LAMB2: variants seen among roughly 807,000 people sequenced by gnomAD.
The protein encoded by LAMB2 is laminin subunit beta 2, also known as laminin subunit beta-2.
A neutral mutation model predicts 202.7 loss-of-function variants in LAMB2; 119 were observed. The ratio of observed to expected loss-of-function variants is 0.59; its 90% CI spans 0.51 to 0.68. LAMB2 has a LOEUF of 0.68. Among genes scored for constraint, LAMB2 ranks in the 30% least tolerant of loss-of-function variants. The pLI, the probability that LAMB2 is intolerant of heterozygous loss-of-function variation, is 0.00. For missense variants in LAMB2, 2,124 were observed against 2,410.6 expected (o/e 0.88, Z 2.49); for synonymous variants, 818 against 902.2 (o/e 0.91, Z 1.67).
chr3:49,121,230 T>C lies in LAMB2; in HGVS notation c.5393A>G (p.Gln1798Arg). 1 of 1,612,214 alleles carries C rather than the reference T, an allele frequency of 6.2e-7. No homozygotes were observed. The highest frequency in any genetic ancestry group is 8.5e-7 in the Non-Finnish European group (1 of 1,180,012). ...GGGGTAGGCCTTGGGCAGGGGTCAC[T>C]GGCAGGTGTTGTAGATCTGCACCTG... ...NLQVQIYNTC[Q>R] The change falls in exon 32 of 32, where the codon CAG becomes CGG. Residue 1798 changes from glutamine (Q) to arginine (R), a missense_variant. By Grantham distance (43) the Gln-to-Arg change is conservative. This residue lies in a region of LAMB2 where 1,702 missense variants were observed against 1,896.3 expected (regional missense o/e 0.90). Coordinates refer to ENST00000305544, the MANE Select transcript of LAMB2 (RefSeq NM_002292.4).
Position 49,122,469 on chromosome 3 carries a change from G to A in LAMB2, c.4574-99C>T, listed in dbSNP as rs1044203030. 62 of 1,178,262 alleles carry A rather than the reference G, an allele frequency of 5.3e-5. No individual in the cohort carries two copies. In the South Asian group the frequency reaches 7.7e-4, roughly 15 times the overall value. The allele number at this position is 1,178,262 out of a possible 1,614,324, so 73.0% of individuals were successfully genotyped here. A position where few individuals can be genotyped will look rare whatever the true frequency, so the allele number is the denominator to read the frequency against. ...GACTCAGGACATGTACATGGGATAG[G>A]GGTTTGTTACCAGGCATAAGGATAT... On this transcript the variant is annotated intron_variant, in intron 27 of 31. Transcript: ENST00000305544.
rs778887906 is a variant in LAMB2 at position 49,121,583 on chromosome 3, C to T, written c.5110G>A (p.Gly1704Ser). 3.7e-6 allele frequency: 6 copies of T among 1,613,950 alleles called. No individual in the cohort carries two copies. Among genetic ancestry groups the T allele is most frequent in the South Asian group, 2.2e-5 (2 of 91,086 alleles). The change falls in exon 31 of 32, where the codon GGT (glycine) becomes AGT (serine). Residue 1704 changes from glycine to serine, a missense_variant. Gly to Ser is a moderately conservative substitution (Grantham distance 56). Coordinates refer to ENST00000305544, the MANE Select transcript of LAMB2 (RefSeq NM_002292.4). ...GTCTGGTACTGATCACCCAGAGGAC[C>T]GCGTAGCAGCTGCAGATGTAGAGGG... Reference protein sequence around the residue: ...RAQEAEQLLRGPLGDQYQTVK... With the variant: ...RAQEAEQLLRSPLGDQYQTVK...
rs202057459 is a variant in LAMB2 at position 49,132,639 on chromosome 3, G to T, written c.101C>A (p.Ala34Asp). ...LSVLAATLAQ[A>D]PAPDVPGCSR... ...ACAGCCAGGCACATCCGGGGCAGGG[G>T]CCTGTGCCAGTGTGGCAGCCAGCAC... The change falls in exon 2 of 32, where the codon GCC (alanine) becomes GAC (aspartate). Residue 34 changes from alanine to aspartate, a missense_variant. Around this residue, in one of 3 missense-constraint regions of LAMB2, gnomAD observed 166 missense variants for 158.2 expected, o/e 1.05. Transcript: ENST00000305544. This position sits in a 1 kb window ranked among gnomAD's most constrained non-coding sequence, Gnocchi z 4.6. 398 of 1,614,064 alleles carry T rather than the reference G, an allele frequency of 2.5e-4. No homozygotes were observed. The East Asian group carries it at 6.7e-3, about 27-fold the overall frequency.
rs2045272074 is a variant in LAMB2 at position 49,121,820 on chromosome 3, G to A, written c.4964C>T (p.Ser1655Phe). ...CAACTGCCGAGCCCTTTCACCTGCA[G>A]AGCTCAGTGCCCGCTCTGCACCTGC... ...RMAGAERALS[S>F]AGERARQLDA... The change falls in exon 30 of 32, where the codon TCT (serine) becomes TTT (phenylalanine). Residue 1655 changes from serine to phenylalanine, a missense_variant. Ser to Phe is a radical substitution (Grantham distance 155). Around this residue, in one of 3 missense-constraint regions of LAMB2, gnomAD observed 1,702 missense variants for 1,896.3 expected, o/e 0.90. Transcript: ENST00000305544. The A allele has an allele frequency of 1.9e-6, 3 of 1,613,034 alleles. No homozygotes were observed. Among genetic ancestry groups the A allele is most frequent in the Non-Finnish European group, 1.7e-6 (2 of 1,179,986 alleles).
Position 49,123,732 on chromosome 3 carries a change from G to C in LAMB2, c.3793C>G (p.Leu1265Val), listed in dbSNP as rs2107637896. The change falls in exon 24 of 32, where the codon CTG (leucine) becomes GTG (valine). Residue 1265 changes from leucine to valine, a missense_variant. Physicochemically the swap from Leu to Val is conservative, Grantham distance 32. Around this residue, in one of 3 missense-constraint regions of LAMB2, gnomAD observed 1,702 missense variants for 1,896.3 expected, o/e 0.90. Transcript: ENST00000305544. Reference protein sequence around the residue: ...TAQLVEATEELRREIGEATEH... With the variant: ...TAQLVEATEEVRREIGEATEH... ...TATTCTTAGGCCCTTCCGCACCGCAGCTCCTCTGTGGCCTCCACAAGCTGT... is the reference window on the plus strand; with the variant it reads ...TATTCTTAGGCCCTTCCGCACCGCACCTCCTCTGTGGCCTCCACAAGCTGT... 7 of 1,613,452 alleles carry C rather than the reference G, an allele frequency of 4.3e-6. No homozygotes were observed. The highest frequency in any genetic ancestry group is 5.9e-6 in the Non-Finnish European group (7 of 1,180,046).
chr3:49,128,995 C>G, intron 13 of LAMB2, 25 bp downstream of exon 13: 3 of 1,605,612 alleles, frequency 1.9e-6, no homozygotes, highest in Non-Finnish European at 2.5e-6. Context: ...ACATCCAGCC[C>G]TCTGCTTAGG....
In LAMB2 at chr3:49,129,503, C is replaced by T. The variant is rs2107642951; in HGVS notation, c.1518+101G>A. The T allele has an allele frequency of 8.7e-7, 1 of 1,151,212 alleles. No individual in the cohort carries two copies. The allele number at this position is 1,151,212 out of a possible 1,614,324, so 71.3% of individuals were successfully genotyped here. A position where few individuals can be genotyped will look rare whatever the true frequency, so the allele number is the denominator to read the frequency against. On this transcript the variant is annotated intron_variant, in intron 11 of 31. Transcript: ENST00000305544. The surrounding 1 kb of genome is among the most constrained non-coding windows in gnomAD (Gnocchi z 6.1). The stretch of plus-strand genomic sequence containing the variant: ...GAGGCTTCTCAGCCAGGACTGGATC[C>T]TAAGCTCTCAGCACCCACCCACTGG...
rs1560076766 is a variant in LAMB2, at chr3:49,131,304, A to T, written c.712+75T>A. 6 of 1,555,148 alleles carry T rather than the reference A, an allele frequency of 3.9e-6. No homozygotes were observed. In the African/African-American group the frequency reaches 5.4e-5, roughly 14 times the overall value. On this transcript the variant is annotated intron_variant, in intron 6 of 31. Coordinates refer to ENST00000305544, the MANE Select transcript of LAMB2 (RefSeq NM_002292.4). The surrounding 1 kb of genome is among the most constrained non-coding windows in gnomAD (Gnocchi z 5.0). ...TTGGCACCTGCCCTAGGAAGCACCC[A>T]AAATAGTTACTGAGGCCCCAAATAG...
chr3:49,132,003 G>A lies in LAMB2; in HGVS notation c.459+113C>T. The stretch of plus-strand genomic sequence containing the variant: ...CAAATGGAAGGTGTGAAGGGATGAA[G>A]GAGCCTCCTGCATCCATGCTCAAGG... On this transcript the variant is annotated intron_variant, in intron 4 of 31. Transcript: ENST00000305544. This position sits in a 1 kb window ranked among gnomAD's most constrained non-coding sequence, Gnocchi z 4.6. 2 of 1,068,542 alleles carry A rather than the reference G, an allele frequency of 1.9e-6. No individual in the cohort carries two copies. Among genetic ancestry groups the A allele is most frequent in the East Asian group, 4.8e-5 (2 of 42,002 alleles). 66.2% of individuals were successfully genotyped at this position (1,068,542 alleles called of 1,614,324 possible). A position where few individuals can be genotyped will look rare whatever the true frequency, so the allele number is the denominator to read the frequency against.
At position 49,123,980 on chromosome 3, in the gene LAMB2, C is replaced by T; in HGVS notation, c.3545G>A (p.Gly1182Glu). The T allele has an allele frequency of 1.9e-6, 3 of 1,613,410 alleles. No homozygotes were observed. Among genetic ancestry groups the T allele is most frequent in the South Asian group, 1.1e-5 (1 of 91,086 alleles). The change falls in exon 24 of 32, where the codon GGA becomes GAA. Residue 1182 changes from glycine (G) to glutamate (E), a missense_variant. Coordinates refer to ENST00000305544, the MANE Select transcript of LAMB2 (RefSeq NM_002292.4). ...GCAGGGATGGCAGGCAGGAAAGATTCCTGAGAAGCCACGGGCACACTGGTC... is the reference window on the plus strand; with the variant it reads ...GCAGGGATGGCAGGCAGGAAAGATTTCTGAGAAGCCACGGGCACACTGGTC... ...RCDQCARGFSGIFPACHPCHA... is the reference protein window; with the variant it reads ...RCDQCARGFSEIFPACHPCHA...
chr3:49,124,417 G>A lies in LAMB2; in HGVS notation c.3305C>T (p.Ala1102Val). 6.2e-7 allele frequency: 1 copy of A among 1,613,652 alleles called. No individual in the cohort carries two copies. Among genetic ancestry groups the A allele is most frequent in the Non-Finnish European group, 8.5e-7 (1 of 1,179,898 alleles). Residue 1102 changes from alanine to valine, a missense_variant, in exon 22 of 32, where the codon GCC (alanine) becomes GTC (valine). This residue lies in a region of LAMB2 where 1,702 missense variants were observed against 1,896.3 expected (regional missense o/e 0.90). Coordinates refer to ENST00000305544, the MANE Select transcript of LAMB2 (RefSeq NM_002292.4). ...TACCTCGTTGCAGGTGGGGCCTCTGGCCCGGCTTGGGTGGCAGGCACAAGG... is the reference window on the plus strand; with the variant it reads ...TACCTCGTTGCAGGTGGGGCCTCTGACCCGGCTTGGGTGGCAGGCACAAGG... The part of the protein sequence containing the change: ...CQPCACHPSR[A>V]RGPTCNEFTG...
Position 49,131,299 on chromosome 3 carries a change from C to T in LAMB2, c.712+80G>A. On this transcript the variant is annotated intron_variant, in intron 6 of 31. Transcript: ENST00000305544. The surrounding 1 kb of genome is among the most constrained non-coding windows in gnomAD (Gnocchi z 5.0). ...TGGGCTTGGCACCTGCCCTAGGAAG[C>T]ACCCAAAATAGTTACTGAGGCCCCA... 1 of 1,535,000 alleles carries T rather than the reference C, an allele frequency of 6.5e-7. No homozygotes were observed. Among genetic ancestry groups the T allele is most frequent in the Non-Finnish European group, 9.0e-7 (1 of 1,114,896 alleles).
intron 15 of LAMB2, among the ~76,000 whole-genome samples, chr3:49,127,294 T>C (rs1053537468): frequency 1.3e-5 from 2 of 152,026 alleles, no homozygotes; most frequent in African/African-American, 4.8e-5. Flanking sequence ...TCTAGAGGAA[T>C]TTTTTTTCTA....
Position 49,128,791 on chromosome 3 carries a change from G to T in LAMB2, c.1760C>A (p.Thr587Asn). ...QVLDVVERLVTPGETPSWTGS... is the reference protein window; with the variant it reads ...QVLDVVERLVNPGETPSWTGS... ...AGTCCAGGATGGAGTTTCCCCGGGG[G>T]TCACCAGGCGCTCCACCACATCGAG... The change falls in exon 14 of 32, where the codon ACC (threonine) becomes AAC (asparagine). Residue 587 changes from threonine (T) to asparagine (N), a missense_variant. Coordinates refer to ENST00000305544, the MANE Select transcript of LAMB2 (RefSeq NM_002292.4). The T allele has an allele frequency of 1.2e-5, 20 of 1,613,712 alleles. No individual in the cohort carries two copies. Among genetic ancestry groups the T allele is most frequent in the Admixed American group, 1.7e-5 (1 of 60,024 alleles).
In LAMB2 at chr3:49,130,235, G is replaced by A. The variant is rs2045466314; in HGVS notation, c.1221C>T (p.Cys407=). 3.1e-6 allele frequency: 5 copies of A among 1,614,062 alleles called. No individual in the cohort carries two copies. The Admixed American group carries it at 5.0e-5, about 16-fold the overall frequency. The change falls in exon 9 of 32, where the codon TGC becomes TGT. Residue 407 remains cysteine, a synonymous_variant. Coordinates refer to ENST00000305544, the MANE Select transcript of LAMB2 (RefSeq NM_002292.4). The surrounding 1 kb of genome is among the most constrained non-coding windows in gnomAD (Gnocchi z 5.0). ...CGTGCCCAATCCCAGCCTCACAGCG[G>A]CACACAGCCGGATCCCGCAGGTCCT... The part of the protein sequence containing the change: ...PTKDLRDPAV[C]RSCDCDPMGS...
In LAMB2 at chr3:49,123,977, A is replaced by G; in HGVS notation, c.3548T>C (p.Ile1183Thr). Residue 1183 changes from isoleucine to threonine, a missense_variant, in exon 24 of 32, where the codon ATC becomes ACC. Around this residue, in one of 3 missense-constraint regions of LAMB2, gnomAD observed 1,702 missense variants for 1,896.3 expected, o/e 0.90. Coordinates refer to ENST00000305544, the MANE Select transcript of LAMB2 (RefSeq NM_002292.4). Reference protein sequence around the residue: ...CDQCARGFSGIFPACHPCHAC... With the variant: ...CDQCARGFSGTFPACHPCHAC... ...ATGGCAGGGATGGCAGGCAGGAAAG[A>G]TTCCTGAGAAGCCACGGGCACACTG... The G allele has an allele frequency of 1.9e-6, 3 of 1,613,448 alleles. No homozygotes were observed. The highest frequency in any genetic ancestry group is 2.5e-6 in the Non-Finnish European group (3 of 1,180,030).
At position 49,125,803 on chromosome 3, in the gene LAMB2, C is replaced by T. The variant is rs201223945; in HGVS notation, c.2432G>A (p.Arg811His). Residue 811 changes from arginine to histidine, a missense_variant, in exon 18 of 32, where the codon CGC becomes CAC. Transcript: ENST00000305544. ...GCCAGGGGCACAGAGGTCACAGCGG[C>T]GCCCAACCACTCCAGGCTTGCACAG... ...QCLCKPGVVG[R>H]RCDLCAPGYY... The T allele has an allele frequency of 1.9e-4, 309 of 1,614,094 alleles. No individual in the cohort carries two copies. The highest frequency in any genetic ancestry group is 2.6e-4 in the South Asian group (24 of 91,068).
chr3:49,124,629 G>A lies in LAMB2; in HGVS notation c.3110-17C>T, dbSNP rs772338869. On this transcript the variant is annotated splice_polypyrimidine_tract_variant and intron_variant, in intron 21 of 31. Coordinates refer to ENST00000305544, the MANE Select transcript of LAMB2 (RefSeq NM_002292.4). ...ATGTGCAGCCTGTGCCAACCAAGAT[G>A]AGCACAGTAGTCAAGAGGAGGCCAA... 1 of 1,613,632 alleles carries A rather than the reference G, an allele frequency of 6.2e-7. No individual in the cohort carries two copies. The highest frequency in any genetic ancestry group is 8.5e-7 in the Non-Finnish European group (1 of 1,179,796).
At position 49,123,037 on chromosome 3, in the gene LAMB2, C is replaced by G; in HGVS notation, c.4240G>C (p.Gly1414Arg). Residue 1414 changes from glycine (G) to arginine (R), a missense_variant, in exon 27 of 32, where the codon GGG becomes CGG. By Grantham distance (125) the Gly-to-Arg change is moderately radical (BLOSUM62 -2). Coordinates refer to ENST00000305544, the MANE Select transcript of LAMB2 (RefSeq NM_002292.4). ...GGGCTTGTAGCACAGGGTGCATCCC[C>G]TGGTGCCCCACACACCTGCCAGGCA... The part of the protein sequence containing the change: ...DINELVCGAP[G>R]DAPCATSPCG... The G allele has an allele frequency of 6.2e-7, 1 of 1,607,540 alleles. No individual in the cohort carries two copies. The highest frequency in any genetic ancestry group is 8.5e-7 in the Non-Finnish European group (1 of 1,179,992).
Sources: allele counts gnomAD v4.1 joint callset (sites outside exome capture counted in the v4.1 genomes callset), GRCh38; gene constraint gnomAD v4.1.1; regional missense constraint gnomAD v4.1.1; non-coding constraint Gnocchi (gnomAD v3.1); transcripts MANE v1.5; gene names NCBI Gene and HGNC (gene_info 2026-07-23, HGNC 2026-07-21).